DPYD: variants seen among roughly 807,000 people sequenced by gnomAD.
DPYD encodes the protein dihydropyrimidine dehydrogenase, also known as dihydropyrimidine dehydrogenase [NADP(+)].
DPYD carries 109 observed loss-of-function variants against 116.2 expected under a neutral mutation model. The observed-to-expected ratio is 0.94, with a 90% confidence interval of 0.80 to 1.10. The LOEUF (loss-of-function observed/expected upper bound fraction) is 1.10, where lower values mean the gene tolerates loss of function less well. Ranked by LOEUF, DPYD falls within the 50% of genes least tolerant of loss-of-function variation. The pLI, the probability that DPYD is intolerant of heterozygous loss-of-function variation, is 0.00. For synonymous variants in DPYD, 440 were observed against 432.0 expected (o/e 1.02, Z -0.23); for missense variants, 1,302 against 1,254.5 (o/e 1.04, Z -0.57).
intron 20 of DPYD, among the ~76,000 whole-genome samples, chr1:97,117,032 T>C (rs182082243): frequency 0.018 from 2,619 of 148,292 alleles, 41 homozygotes; most frequent in Non-Finnish European, 0.021. Flanking sequence ...GGCATAGTGG[T>C]GTGTATCTGT....
intron 13 of DPYD, among the ~76,000 whole-genome samples, chr1:97,456,359 C>G (rs747445416): frequency 2.0e-5 from 3 of 151,940 alleles, no homozygotes; most frequent in Non-Finnish European, 4.4e-5. Context: ...TGCAACTATA[C>G]CTCAGCTAGG....
intron 2 of DPYD, among the ~76,000 whole-genome samples, chr1:97,876,996 G>C (rs992516220): frequency 1.3e-5 from 2 of 151,982 alleles, no homozygotes. Context: ...GGAGAAAGAG[G>C]ATCAATGCCC....
chr1:97,211,255 G>A (rs187134245), intron 19 of DPYD, among the ~76,000 whole-genome samples: 16 of 152,202 alleles, frequency 1.1e-4, no homozygotes, highest in Admixed American at 2.6e-4. Context: ...CTTTCCCATA[G>A]CTGGATGAAT....
At chr1:97,286,986 G>C (rs543494981) in intron 18 of DPYD, among the ~76,000 whole-genome samples, 41 of 152,332 alleles carry the variant, frequency 2.7e-4, no homozygotes, top group Non-Finnish European at 4.9e-4. Context: ...ATTGGAGGAG[G>C]AGAGGCACTC....
intron 3 of DPYD, among the ~76,000 whole-genome samples, chr1:97,759,637 A>C (rs184350740): frequency 6.6e-6 from 1 of 152,330 alleles, no homozygotes; most frequent in East Asian, 1.9e-4. Context: ...TTTTAGATGA[A>C]TATTTGTAAA....
intron 1 of DPYD, among the ~76,000 whole-genome samples, chr1:97,919,403 TCTC>T (rs2101724461): frequency 6.6e-6 from 1 of 152,314 alleles, no homozygotes; most frequent in Non-Finnish European, 1.5e-5. Flanking sequence ...CTGGCATCTT[TCTC>T]CTCAGTAGAA....
At chr1:97,420,885 T>C (rs1300777129) in intron 14 of DPYD, among the ~76,000 whole-genome samples, 1 of 152,186 alleles carries the variant, frequency 6.6e-6, no homozygotes, top group Non-Finnish European at 1.5e-5. Flanking sequence ...GTGGTAGAGT[T>C]AGGTAATTAA....
chr1:97,790,602 A>G (rs1667271178), intron 3 of DPYD, among the ~76,000 whole-genome samples: 1 of 152,208 alleles, frequency 6.6e-6, no homozygotes, highest in Non-Finnish European at 1.5e-5. Context: ...CAAAATGTGG[A>G]TAATACCATA....
At chr1:97,862,533 TCTCC>T (rs1438620736) in intron 2 of DPYD, among the ~76,000 whole-genome samples, 5 of 151,930 alleles carry the variant, frequency 3.3e-5, no homozygotes, top group Non-Finnish European at 5.9e-5. Context: ...AACTCTTACT[TCTCC>T]CTATTTTATA....
chr1:97,636,240 A>G (rs951627334), intron 8 of DPYD, among the ~76,000 whole-genome samples: 2 of 152,136 alleles, frequency 1.3e-5, no homozygotes, highest in Non-Finnish European at 2.9e-5. Context: ...CAATCATCCA[A>G]GTAATAATAT....
intron 12 of DPYD, among the ~76,000 whole-genome samples, chr1:97,532,902 G>T (rs1649732844): frequency 7.8e-6 from 1 of 128,622 alleles, no homozygotes. Flanking sequence ...GCTAACTTTG[G>T]GCTTAGTTGT....
Position 97,896,477 on chromosome 1 carries a change from C to T in DPYD, c.40-13103G>A, listed in dbSNP as rs192563729. 3.8e-4 allele frequency among the ~76,000 whole-genome samples: 58 copies of T among 151,842 alleles called. 2 individuals carry two copies. In the East Asian group the frequency reaches 9.4e-3, roughly 25 times the overall value. ...TGCATTGTTAGGTTTTACTTCTCCC[C>T]GTCTCATATTTAAGTGACTTTATTT... On this transcript the variant is annotated intron_variant, in intron 1 of 22. Coordinates refer to ENST00000370192, the MANE Select transcript of DPYD (RefSeq NM_000110.4).
chr1:97,584,507 T>TTGCCTAGG (rs1230860755), intron 10 of DPYD, among the ~76,000 whole-genome samples: 1 of 152,110 alleles, frequency 6.6e-6, no homozygotes, highest in African/African-American at 2.4e-5. Context: ...CTGAATGGTA[T>TTGCCTAGG]TGCCTAGGTC....
intron 14 of DPYD, among the ~76,000 whole-genome samples, chr1:97,429,924 G>T (rs753694387): frequency 3.9e-5 from 6 of 152,106 alleles, no homozygotes; most frequent in Non-Finnish European, 7.4e-5. Context: ...TTTAAGAAAA[G>T]AAGTATGATA....
chr1:97,814,960 G>GAGAA (rs1274870387), intron 3 of DPYD, among the ~76,000 whole-genome samples: 1 of 137,052 alleles, frequency 7.3e-6, no homozygotes, highest in African/African-American at 2.7e-5. Flanking sequence ...AAAGAAAGGA[G>GAGAA]AGAAAGAAAG....
At chr1:97,173,359 CATATATACAT>C (rs1433659058) in intron 20 of DPYD, among the ~76,000 whole-genome samples, 2 of 147,938 alleles carry the variant, frequency 1.4e-5, no homozygotes, top group Non-Finnish European at 3.0e-5. Context: ...CATATATGTA[CATATATACAT>C]ATATGTGTGT....
At chr1:97,867,376 C>A (rs889725208) in intron 2 of DPYD, among the ~76,000 whole-genome samples, 1 of 151,758 alleles carries the variant, frequency 6.6e-6, no homozygotes, top group Non-Finnish European at 1.5e-5. Context: ...GTGGGTTATG[C>A]CACTGTTGAT....
chr1:97,170,903 G>C (rs777167961), intron 20 of DPYD, among the ~76,000 whole-genome samples: 7 of 151,986 alleles, frequency 4.6e-5, no homozygotes, highest in Non-Finnish European at 1.0e-4. Context: ...TCGAGCTCCT[G>C]ACCTCATGAT....
At chr1:97,653,926 G>C (rs1168506880) in intron 8 of DPYD, among the ~76,000 whole-genome samples, 1 of 152,150 alleles carries the variant, frequency 6.6e-6, no homozygotes, top group Non-Finnish European at 1.5e-5. Context: ...ATAGACTGAA[G>C]AGTGATGGAG....
Sources: gnomAD v4.1 joint callset for allele counts (sites outside exome capture counted in the v4.1 genomes callset) on GRCh38, gnomAD v4.1.1 for gene constraint, MANE v1.5 for transcripts, NCBI Gene and HGNC (gene_info 2026-07-23, HGNC 2026-07-21) for gene names.